LPCAT2: variants seen among roughly 807,000 people sequenced by gnomAD.
LPCAT2 encodes 1-AGP acyltransferase 11.
LPCAT2 carries 58 observed loss-of-function variants against 64.7 expected under a neutral mutation model. That is an observed-to-expected ratio of 0.90 (90% CI 0.73 to 1.12). The LOEUF (loss-of-function observed/expected upper bound fraction) is 1.12, where lower values mean the gene tolerates loss of function less well. LPCAT2 is among the 50% of genes most tolerant of loss of function. LPCAT2 has a pLI of 0.00. For synonymous variants in LPCAT2, 252 were observed against 245.3 expected (o/e 1.03, Z -0.26); for missense variants, 579 against 669.8 (o/e 0.86, Z 1.50).
At chr16:55,550,582 A>G (rs1297363159) in intron 10 of LPCAT2, among the ~76,000 whole-genome samples, 1 of 152,046 alleles carries the variant, frequency 6.6e-6, no homozygotes, top group Admixed American at 6.6e-5. Flanking sequence ...TTTCCCTGAG[A>G]TATTTGAGAT....
At chr16:55,511,044 A>C (rs1567387962) in intron 1 of LPCAT2, among the ~76,000 whole-genome samples, 1 of 152,186 alleles carries the variant, frequency 6.6e-6, no homozygotes, top group African/African-American at 2.4e-5. Context: ...CTGGTCATTT[A>C]TTAGTTGTAT....
At chr16:55,527,141 G>A (rs1469895038) in intron 2 of LPCAT2, among the ~76,000 whole-genome samples, 1 of 152,094 alleles carries the variant, frequency 6.6e-6, no homozygotes, top group Non-Finnish European at 1.5e-5. Context: ...CCTCCTTCTT[G>A]TGAAATAAAA....
chr16:55,537,023 A>T (rs1244752388), intron 7 of LPCAT2, among the ~76,000 whole-genome samples: 1 of 152,134 alleles, frequency 6.6e-6, no homozygotes, highest in Non-Finnish European at 1.5e-5. Flanking sequence ...AACAGTTCAG[A>T]AATGTAATGA....
At chr16:55,573,387 TTTTTTTG>T (rs1205379510) in intron 11 of LPCAT2, among the ~76,000 whole-genome samples, 1 of 122,454 alleles carries the variant, frequency 8.2e-6, no homozygotes, top group Non-Finnish European at 2.0e-5. Flanking sequence ...GTTGTGTTTG[TTTTTTTG>T]TTTTTTTTTT....
chr16:55,576,141 G>C (rs1016585825), intron 12 of LPCAT2, among the ~76,000 whole-genome samples: 5 of 151,306 alleles, frequency 3.3e-5, no homozygotes, highest in Non-Finnish European at 7.4e-5. Context: ...ACCTTGGTTT[G>C]GGGAAGGGGA....
chr16:55,547,167 T>C (rs1430368872), intron 9 of LPCAT2, among the ~76,000 whole-genome samples: 2 of 151,316 alleles, frequency 1.3e-5, no homozygotes, highest in African/African-American at 2.4e-5. Flanking sequence ...AAAAAAAAAA[T>C]TGAGAGAACT....
intron 1 of LPCAT2, among the ~76,000 whole-genome samples, chr16:55,523,913 G>A (rs1349698269): frequency 6.6e-6 from 1 of 151,758 alleles, no homozygotes; most frequent in African/African-American, 2.4e-5. Flanking sequence ...TATGTACATT[G>A]TACCTTAATA....
At chr16:55,525,742 A>T (rs1390088888) in intron 2 of LPCAT2, 95 bp downstream of exon 2, 9 of 874,240 alleles carry the variant, frequency 1.0e-5, no homozygotes, top group South Asian at 4.0e-5. Flanking sequence ...TTAGTCAGTG[A>T]TCTAACTGCT....
At chr16:55,552,799 G>A (rs1415805180) in intron 11 of LPCAT2, among the ~76,000 whole-genome samples, 1 of 152,178 alleles carries the variant, frequency 6.6e-6, no homozygotes, top group African/African-American at 2.4e-5. Flanking sequence ...TAATCTTCTT[G>A]CTGATGGATT....
At chr16:55,514,472 G>A (rs1434363043) in intron 1 of LPCAT2, among the ~76,000 whole-genome samples, 5 of 152,128 alleles carry the variant, frequency 3.3e-5, no homozygotes, top group Admixed American at 3.3e-4. Flanking sequence ...TGATTACTAA[G>A]CTAACTGGTC....
intron 11 of LPCAT2, among the ~76,000 whole-genome samples, chr16:55,554,668 A>T (rs1209331974): frequency 1.3e-5 from 2 of 152,190 alleles, no homozygotes; most frequent in Non-Finnish European, 2.9e-5. Context: ...TTTCCTTTGC[A>T]TTCACAACTT....
chr16:55,529,928 CAGG>C lies in LPCAT2; in HGVS notation c.629_631del (p.Gly210del). 2 of 1,610,334 alleles carry C rather than the reference CAGG, an allele frequency of 1.2e-6. No homozygotes were observed. The highest frequency in any genetic ancestry group is 1.7e-6 in the Non-Finnish European group (2 of 1,178,402). ...AATGAAATAATAAAGCGAACAACAT[CAGG>C]AGGAGAATGGCCCCAGGTAAAACAT... On this transcript the variant is annotated inframe_deletion, in exon 4 of 14. Transcript: ENST00000262134.
chr16:55,560,092 T>A (rs1963619387), intron 11 of LPCAT2, among the ~76,000 whole-genome samples: 1 of 152,102 alleles, frequency 6.6e-6, no homozygotes, highest in African/African-American at 2.4e-5. Context: ...AGGGAGTAAT[T>A]AGTGGCCTCC....
chr16:55,520,962 C>T (rs1275501477), intron 1 of LPCAT2, among the ~76,000 whole-genome samples: 1 of 151,552 alleles, frequency 6.6e-6, no homozygotes, highest in Non-Finnish European at 1.5e-5. Flanking sequence ...ACAAATTAAA[C>T]ACAAAGTAAG....
intron 12 of LPCAT2, among the ~76,000 whole-genome samples, chr16:55,576,638 G>A (rs959114786): frequency 1.3e-5 from 2 of 152,154 alleles, no homozygotes; most frequent in Non-Finnish European, 2.9e-5. Flanking sequence ...GGTCCAGCTG[G>A]TCTTGGGCCA....
chr16:55,541,197 C>A (rs1963392087), intron 8 of LPCAT2: 1 of 152,018 alleles, frequency 6.6e-6, no homozygotes, highest in African/African-American at 2.4e-5. Flanking sequence ...AGGAAAATTC[C>A]TTTAAAAGCT....
At chr16:55,521,446 G>C (rs1292460073) in intron 1 of LPCAT2, among the ~76,000 whole-genome samples, 1 of 151,754 alleles carries the variant, frequency 6.6e-6, no homozygotes, top group African/African-American at 2.4e-5. Flanking sequence ...TCAGAAAGTA[G>C]AGAAGTGTGG....
intron 1 of LPCAT2, among the ~76,000 whole-genome samples, chr16:55,518,582 A>G (rs2046469976): frequency 6.6e-6 from 1 of 152,248 alleles, no homozygotes; most frequent in Non-Finnish European, 1.5e-5. Context: ...CAAGACAGAC[A>G]TATAGATCAA....
intron 8 of LPCAT2, chr16:55,540,811 C>A (rs368743556): frequency 1.1e-4 from 19 of 178,006 alleles, no homozygotes; most frequent in African/African-American, 3.8e-4. Flanking sequence ...TATATACTAA[C>A]TTTTGTCCTA....
Sources: gnomAD v4.1 joint callset for allele counts (sites outside exome capture counted in the v4.1 genomes callset) on GRCh38, gnomAD v4.1.1 for gene constraint, MANE v1.5 for transcripts, NCBI Gene and HGNC (gene_info 2026-07-23, HGNC 2026-07-21) for gene names.